The following TMEM176A variants were observed in gnomAD, a reference collection of about 807,000 sequenced individuals.
TMEM176A encodes the protein hepatocellular carcinoma-associated antigen 112.
A neutral mutation model predicts 27.9 loss-of-function variants in TMEM176A; 20 were observed. The ratio of observed to expected loss-of-function variants is 0.72; its 90% CI spans 0.50 to 1.04. The LOEUF (loss-of-function observed/expected upper bound fraction) is 1.04, where lower values mean the gene tolerates loss of function less well. Among genes scored for constraint, TMEM176A ranks in the 50% least tolerant of loss-of-function variants. The pLI is 0.00. For synonymous variants in TMEM176A, 125 were observed against 118.0 expected, an observed-to-expected ratio of 1.06 and a Z score of -0.38; for missense variants, 252 against 289.1, an observed-to-expected ratio of 0.87 and a Z score of 0.93.
intron 4 of TMEM176A, 61 bp from the exon 5 acceptor site, chr7:150,803,559 C>G: frequency 6.3e-7 from 1 of 1,591,364 alleles, no homozygotes; most frequent in Non-Finnish European, 8.6e-7. Flanking sequence ...CTTTTTTCCC[C>G]CGACTGGACT....
intron 4 of TMEM176A, 25 bp downstream of exon 4, chr7:150,803,481 G>A (rs770341904): frequency 7.6e-6 from 12 of 1,582,114 alleles, no homozygotes; most frequent in African/African-American, 1.4e-5. Context: ...GGGCATGGGA[G>A]GGGACCAGGT....
chr7:150,803,805 A>G lies in TMEM176A; in HGVS notation c.528A>G (p.Leu176=). 2 of 1,614,116 alleles carry G rather than the reference A, an allele frequency of 1.2e-6. No individual in the cohort carries two copies. Among genetic ancestry groups the G allele is most frequent in the Non-Finnish European group, 1.7e-6 (2 of 1,180,024 alleles). Residue 176 remains leucine (L), a synonymous_variant, in exon 5 of 7, where the codon CTA becomes CTG. Transcript: ENST00000004103. ...QSPEEVRRLH[L]CTSFMDMLKA... Reference sequence around the variant, plus strand: ...CAGAAGAAGTCAGAAGGCTACACCTATGTACCTCCTTCATGGACATGCTGA... The same window carrying G: ...CAGAAGAAGTCAGAAGGCTACACCTGTGTACCTCCTTCATGGACATGCTGA...
In TMEM176A at chr7:150,800,800, C is replaced by A. The variant is rs1798752429; in HGVS notation, c.-44C>A. The A allele has an allele frequency of 2.2e-6, 1 of 446,440 alleles. No homozygotes were observed. Among genetic ancestry groups the A allele is most frequent in the Non-Finnish European group, 3.0e-6 (1 of 337,694 alleles). 27.7% of individuals were successfully genotyped at this position (446,440 alleles called of 1,614,324 possible). On this transcript the variant is annotated 5_prime_UTR_variant, in exon 1 of 7. Coordinates refer to ENST00000004103, the MANE Select transcript of TMEM176A (RefSeq NM_018487.3). ...CCAGCCAGCGCCCCAGCCCTCCCGC[C>A]GCCCGCTCGCAGGTCCCGAGGAGCG...
intron 2 of TMEM176A, 100 bp from the exon 3 acceptor site, chr7:150,802,115 T>C: frequency 1.2e-6 from 1 of 829,440 alleles, no homozygotes; most frequent in Non-Finnish European, 2.0e-6. Context: ...TTTCTTTCTC[T>C]CTCTCTCTAC....
At chr7:150,801,196 C>CTCTGGGCTGAAGGGGTGTGGAGGAGCCA in intron 1 of TMEM176A, 1 of 212,004 alleles carries the variant, frequency 4.7e-6, no homozygotes, top group Non-Finnish European at 8.9e-6. Context: ...GGAGGGGAGG[C>CTCTGGGCTGAAGGGGTGTGGAGGAGCCA]CGCAGGAAGA....
chr7:150,803,190 T>C, intron 3 of TMEM176A: 6 of 1,307,970 alleles, frequency 4.6e-6, no homozygotes, highest in Non-Finnish European at 5.8e-6. Context: ...CACAAGCTCT[T>C]AGGTGTCACT....
intron 5 of TMEM176A, 61 bp from the exon 6 acceptor site, chr7:150,804,301 G>A: frequency 7.3e-7 from 1 of 1,366,002 alleles, no homozygotes; most frequent in Non-Finnish European, 1.0e-6. Context: ...AAGGAGCATG[G>A]GGACAGAGCA....
intron 4 of TMEM176A, 57 bp from the exon 5 acceptor site, chr7:150,803,563 C>A: frequency 6.3e-7 from 1 of 1,599,062 alleles, no homozygotes; most frequent in Admixed American, 1.7e-5. Context: ...TTTCCCCCGA[C>A]TGGACTCTGA....
chr7:150,803,811 C>T lies in TMEM176A; in HGVS notation c.534C>T (p.Thr178=), dbSNP rs907797696. ...AAGTCAGAAGGCTACACCTATGTAC[C>T]TCCTTCATGGACATGCTGAAGGTAG... ...PEEVRRLHLC[T]SFMDMLKALF... is the part of the protein sequence containing the mutation. Residue 178 remains threonine, a synonymous_variant, in exon 5 of 7, where the codon ACC becomes ACT. Coordinates refer to ENST00000004103, the MANE Select transcript of TMEM176A (RefSeq NM_018487.3). 3.1e-6 allele frequency: 5 copies of T among 1,614,116 alleles called. No individual in the cohort carries two copies. Among genetic ancestry groups the T allele is most frequent in the Non-Finnish European group, 4.2e-6 (5 of 1,180,022 alleles).
At chr7:150,802,863 C>A in intron 3 of TMEM176A, 2 of 988,366 alleles carry the variant, frequency 2.0e-6, no homozygotes, top group Non-Finnish European at 2.4e-6. Flanking sequence ...AGAGTAATTA[C>A]CTTCACCCAG....
At chr7:150,801,798 A>C in intron 2 of TMEM176A, 74 bp downstream of exon 2, 8 of 1,359,682 alleles carry the variant, frequency 5.9e-6, no homozygotes, top group Non-Finnish European at 7.8e-6. Context: ...ACTCTCTGCC[A>C]GCCTCCCTCT....
intron 2 of TMEM176A, 117 bp downstream of exon 2, chr7:150,801,841 C>T: frequency 1.9e-6 from 2 of 1,054,824 alleles, no homozygotes; most frequent in East Asian, 2.6e-5. Flanking sequence ...TGTCTTCTTA[C>T]TTAGCGATGT....
intron 2 of TMEM176A, 65 bp downstream of exon 2, chr7:150,801,789 C>G: frequency 7.2e-7 from 1 of 1,394,026 alleles, no homozygotes. Context: ...CGCAGCAGCA[C>G]TCTCTGCCAG....
intron 6 of TMEM176A, 30 bp downstream of exon 6, chr7:150,804,502 T>A (rs369211733): frequency 1.4e-5 from 22 of 1,582,510 alleles, no homozygotes; most frequent in Middle Eastern, 1.7e-4. Context: ...GCCTGTGTAT[T>A]TGGGGCAGTG....
In TMEM176A at chr7:150,803,337, C is replaced by G. The variant is rs538153229; in HGVS notation, c.286-63C>G. On this transcript the variant is annotated intron_variant, in intron 3 of 6. Coordinates refer to ENST00000004103, the MANE Select transcript of TMEM176A (RefSeq NM_018487.3). ...CTGGGGAAGGGCCTGCATGGAGGCT[C>G]TCTCGTGGGAGAGGAGTTGCATTTC... 21 of 1,511,294 alleles carry G rather than the reference C, an allele frequency of 1.4e-5. No individual in the cohort carries two copies. The South Asian group carries it at 2.0e-4, about 15-fold the overall frequency. The allele number at this position is 1,511,294 out of a possible 1,614,324, so 93.6% of individuals were successfully genotyped here. A position where few individuals can be genotyped will look rare whatever the true frequency, so the allele number is the denominator to read the frequency against.
rs1229234905 is a variant in TMEM176A, at chr7:150,801,695, G to C, written c.145G>C (p.Gly49Arg). The C allele has an allele frequency of 6.4e-7, 1 of 1,563,932 alleles. No individual in the cohort carries two copies. The highest frequency in any genetic ancestry group is 8.6e-7 in the Non-Finnish European group (1 of 1,164,210). ...GCGGCCCCGGGCCACCCAGGCCAGG[G>C]GCAGCAGCCGGCTGCTGGTGGCCTC... ...ALRPRATQAR[G>R]SSRLLVASWV... is the part of the protein sequence containing the mutation. The change falls in exon 2 of 7, where the codon GGC becomes CGC. Residue 49 changes from glycine to arginine, a missense_variant. Coordinates refer to ENST00000004103, the MANE Select transcript of TMEM176A (RefSeq NM_018487.3).
chr7:150,801,558 C>T lies in TMEM176A; in HGVS notation c.8C>T (p.Thr3Ile). 6.3e-7 allele frequency: 1 copy of T among 1,596,980 alleles called. No homozygotes were observed. The highest frequency in any genetic ancestry group is 8.5e-7 in the Non-Finnish European group (1 of 1,174,688). ...TAGACTGTGTCCCTGACAATGGGAA[C>T]AGCCGACAGTGATGAGATGGCCCCG... MG[T>I]ADSDEMAPEA... is the part of the protein sequence containing the mutation. Residue 3 changes from threonine to isoleucine, a missense_variant, in exon 2 of 7, where the codon ACA becomes ATA. Coordinates refer to ENST00000004103, the MANE Select transcript of TMEM176A (RefSeq NM_018487.3).
chr7:150,804,312 G>A (rs1798876175), intron 5 of TMEM176A, 50 bp from the exon 6 acceptor site: 1 of 1,447,098 alleles, frequency 6.9e-7, no homozygotes, highest in Non-Finnish European at 9.7e-7. Flanking sequence ...GGACAGAGCA[G>A]GAAGGCAGCT....
intron 5 of TMEM176A, among the ~76,000 whole-genome samples, chr7:150,804,147 T>G (rs1798873355): frequency 6.6e-6 from 1 of 152,218 alleles, no homozygotes; most frequent in South Asian, 2.1e-4. Context: ...AATCAAATCA[T>G]AGCCCAAACC....
Sources: gnomAD v4.1 joint callset for allele counts (sites outside exome capture counted in the v4.1 genomes callset) on GRCh38, gnomAD v4.1.1 for gene constraint, MANE v1.5 for transcripts, NCBI Gene and HGNC (gene_info 2026-07-23, HGNC 2026-07-21) for gene names.